Variants in CAPN14 observed in about 807,000 individuals in gnomAD.
CAPN14 encodes calpain 14, also known as calpain-14.
Under a neutral mutation model 101.3 loss-of-function variants are expected in CAPN14, and 94 were observed. That is an observed-to-expected ratio of 0.93 (90% CI 0.79 to 1.10). The LOEUF is 1.10. Ranked by LOEUF, CAPN14 falls within the 50% of genes least tolerant of loss-of-function variation. CAPN14 has a pLI of 0.00. For missense variants in CAPN14, 837 were observed against 828.4 expected (o/e 1.01, Z -0.13); for synonymous variants, 338 against 317.9 (o/e 1.06, Z -0.67).
chr2:31,189,776 T>C lies in CAPN14; in HGVS notation c.1288-298A>G, dbSNP rs80126995. On this transcript the variant is annotated intron_variant, in intron 12 of 21. Coordinates refer to ENST00000403897, the MANE Select transcript of CAPN14 (RefSeq NM_001145122.2). The stretch of plus-strand genomic sequence containing the variant: ...TGAGGAATGTCCCTGTGCCTTCCAT[T>C]TTATGGCTGAGGGCTCTGAGGCTTA... The C allele has an allele frequency of 9.5e-3, 4,771 of 500,810 alleles. 49 individuals carry two copies. The highest frequency in any genetic ancestry group is 0.011 in the Non-Finnish European group (2,860 of 255,886). 31.0% of individuals were successfully genotyped at this position (500,810 alleles called of 1,614,324 possible).
intron 7 of CAPN14, among the ~76,000 whole-genome samples, chr2:31,198,781 T>G (rs982169196): frequency 6.6e-6 from 1 of 152,188 alleles, no homozygotes; most frequent in African/African-American, 2.4e-5. Flanking sequence ...CTTATCTCCA[T>G]GCTTTGCTTA....
chr2:31,232,946 T>C (rs751509860), intron 1 of CAPN14, among the ~76,000 whole-genome samples: 1 of 152,288 alleles, frequency 6.6e-6, no homozygotes, highest in Middle Eastern at 3.4e-3. Context: ...GTTTTATCAC[T>C]ACACTGTTTA....
rs777021503 is a variant in CAPN14, at chr2:31,174,547, C to T, written c.*134G>A. The T allele has an allele frequency of 1.3e-5, 12 of 889,796 alleles. No homozygotes were observed. In the East Asian group the frequency reaches 2.9e-4, roughly 22 times the overall value. The allele number at this position is 889,796 out of a possible 1,614,324, so 55.1% of individuals were successfully genotyped here. A position where few individuals can be genotyped will look rare whatever the true frequency, so the allele number is the denominator to read the frequency against. The stretch of plus-strand genomic sequence containing the variant: ...GAGGGCTGCAGAAGAGAAACCTTCC[C>T]AGCTGAGAAGGTGACGGCTAGTGAG... On this transcript the variant is annotated 3_prime_UTR_variant, in exon 22 of 22. Coordinates refer to ENST00000403897, the MANE Select transcript of CAPN14 (RefSeq NM_001145122.2).
upstream of CAPN14, among the ~76,000 whole-genome samples, chr2:31,218,961 A>G (rs1415019343): frequency 5.2e-5 from 3 of 58,230 alleles, no homozygotes; most frequent in Admixed American, 6.1e-4. Flanking sequence ...TGGGAAGACC[A>G]TTATTATTAT....
At chr2:31,174,747 C>T (rs1251304707) in intron 21 of CAPN14, 40 bp from the exon 22 acceptor site, 88 of 1,549,956 alleles carry the variant, frequency 5.7e-5, no homozygotes, top group Non-Finnish European at 7.3e-5. Flanking sequence ...CAGTTCAGAC[C>T]CACGTCTCAT....
chr2:31,213,725 A>G (rs1437522349), intron 1 of CAPN14, among the ~76,000 whole-genome samples: 1 of 152,194 alleles, frequency 6.6e-6, no homozygotes, highest in Non-Finnish European at 1.5e-5. Flanking sequence ...AACACTTGCA[A>G]ATGTGGCCTG....
intron 20 of CAPN14, 30 bp from the exon 21 acceptor site, chr2:31,176,672 C>G: frequency 6.6e-7 from 1 of 1,526,132 alleles, no homozygotes; most frequent in Non-Finnish European, 8.9e-7. Context: ...AGGAATACAG[C>G]TAATGTGTCT....
intron 12 of CAPN14, among the ~76,000 whole-genome samples, chr2:31,190,520 A>G (rs532575098): frequency 2.4e-4 from 36 of 152,286 alleles, no homozygotes; most frequent in African/African-American, 8.7e-4. Flanking sequence ...GGTAGAAGCA[A>G]CTGCCTACCT....
intron 16 of CAPN14, among the ~76,000 whole-genome samples, chr2:31,185,066 T>G (rs1373947152): frequency 6.6e-6 from 1 of 152,256 alleles, no homozygotes; most frequent in Non-Finnish European, 1.5e-5. Flanking sequence ...GTTGAAAACA[T>G]TCTGAATTTC....
At position 31,230,542 on chromosome 2, in the gene CAPN14, T is replaced by C. The variant is rs1191903281; in HGVS notation, c.-177+3249A>G. 6.6e-6 allele frequency among the ~76,000 whole-genome samples: 1 copy of C among 152,242 alleles called. No homozygotes were observed. Among genetic ancestry groups the C allele is most frequent in the East Asian group, 1.9e-4 (1 of 5,206 alleles). ...ACCCTACCATCCAACTTTTTATTCT[T>C]GCCATTTTGGTGGGTATGGAGTGTT... On this transcript the variant is annotated intron_variant and NMD_transcript_variant, in intron 1 of 21. Transcript: ENST00000398824. This position sits in a 1 kb window ranked among gnomAD's most constrained non-coding sequence, Gnocchi z 4.3.
chr2:31,199,508 C>A lies in CAPN14; in HGVS notation c.751G>T (p.Val251Leu). The change falls in exon 7 of 22, where the codon GTG becomes TTG. Residue 251 changes from valine (V) to leucine (L), a missense_variant. Val to Leu is a conservative substitution (Grantham distance 32). Coordinates refer to ENST00000403897, the MANE Select transcript of CAPN14 (RefSeq NM_001145122.2). ...GTGAGAGTATAGGCATGGCCTTCCACCAGCCCATTCTCCAGAATCTTCTCC... is the reference window on the plus strand; with the variant it reads ...GTGAGAGTATAGGCATGGCCTTCCAACAGCCCATTCTCCAGAATCTTCTCC... ...SGEKILENGL[V>L]EGHAYTLTGI... 6.4e-7 allele frequency: 1 copy of A among 1,551,574 alleles called. No individual in the cohort carries two copies. The highest frequency in any genetic ancestry group is 8.7e-7 in the Non-Finnish European group (1 of 1,146,902).
chr2:31,205,957 G>A (rs1010733539), intron 1 of CAPN14, among the ~76,000 whole-genome samples: 1 of 151,652 alleles, frequency 6.6e-6, no homozygotes, highest in African/African-American at 2.4e-5. Context: ...CAGACACACA[G>A]CATTCCTCCT....
At chr2:31,179,409 T>C (rs2148671856) in intron 17 of CAPN14, among the ~76,000 whole-genome samples, 1 of 152,328 alleles carries the variant, frequency 6.6e-6, no homozygotes, top group Middle Eastern at 3.4e-3. Context: ...CTCATCTTTT[T>C]ATATGGCTGC....
At chr2:31,181,398 T>TTTCTTTCTTTC (rs1680595820) in intron 16 of CAPN14, among the ~76,000 whole-genome samples, 33 of 135,068 alleles carry the variant, frequency 2.4e-4, no homozygotes, top group African/African-American at 8.9e-4. Flanking sequence ...TTCTTTCTTT[T>TTTCTTTCTTTC]TTTCTTTCTT....
chr2:31,189,333 A>G lies in CAPN14; in HGVS notation c.1433T>C (p.Leu478Ser). Residue 478 changes from leucine to serine, a missense_variant, in exon 13 of 22, where the codon TTG (leucine) becomes TCG (serine). Physicochemically the swap from Leu to Ser is moderately radical, Grantham distance 145 (BLOSUM62 -2). Coordinates refer to ENST00000403897, the MANE Select transcript of CAPN14 (RefSeq NM_001145122.2). ...PGTYLIVPCI[L>S]EAHQKSEFVL... ...GAACTCTGACTTCTGGTGGGCCTCC[A>G]ATATGCAGGGCACGATGAGGTACGT... 1 of 1,551,740 alleles carries G rather than the reference A, an allele frequency of 6.4e-7. No individual in the cohort carries two copies. Among genetic ancestry groups the G allele is most frequent in the Non-Finnish European group, 8.7e-7 (1 of 1,147,016 alleles).
chr2:31,193,001 C>T (rs1319295822), intron 10 of CAPN14, 130 bp downstream of exon 10: 7 of 919,378 alleles, frequency 7.6e-6, no homozygotes, highest in Non-Finnish European at 1.1e-5. Context: ...CCCCAACACA[C>T]AGTGAGGCAA....
intron 14 of CAPN14, 97 bp downstream of exon 14, chr2:31,188,221 A>T: frequency 9.4e-7 from 1 of 1,061,052 alleles, no homozygotes. Flanking sequence ...AAGGATCCGC[A>T]TATCTCCTCC....
intron 10 of CAPN14, 100 bp downstream of exon 10, chr2:31,193,031 C>T: frequency 8.3e-7 from 1 of 1,202,856 alleles, no homozygotes; most frequent in Non-Finnish European, 1.2e-6. Flanking sequence ...CCTCCCCACT[C>T]AGCCAATGCA....
chr2:31,181,367 GT>G (rs1454573277), intron 16 of CAPN14, among the ~76,000 whole-genome samples: 1 of 146,788 alleles, frequency 6.8e-6, no homozygotes, highest in Non-Finnish European at 1.5e-5. Flanking sequence ...CTTTCCTCAG[GT>G]TTCTTTCTCT....
Sources: gnomAD v4.1 joint callset for allele counts (sites outside exome capture counted in the v4.1 genomes callset) on GRCh38, gnomAD v4.1.1 for gene constraint, Gnocchi (gnomAD v3.1) non-coding constraint, MANE v1.5 for transcripts, NCBI Gene and HGNC (gene_info 2026-07-23, HGNC 2026-07-21) for gene names.